CD1B: variants seen among roughly 807,000 people sequenced by gnomAD.
The protein encoded by CD1B is T-cell surface glycoprotein CD1b.
CD1B carries 43 observed loss-of-function variants against 39.8 expected under a neutral mutation model. The ratio of observed to expected loss-of-function variants is 1.08; its 90% CI spans 0.85 to 1.39. CD1B has a LOEUF of 1.39. Ranked by LOEUF, CD1B falls within the 40% of genes most tolerant of loss-of-function variation. CD1B has a pLI of 0.00. For synonymous variants in CD1B, 192 were observed against 152.5 expected (o/e 1.26, Z -1.91); for missense variants, 495 against 403.8 (o/e 1.23, Z -1.94).
the CD1B span, among the ~76,000 whole-genome samples, chr1:158,320,434 G>A: frequency 7.2e-5 from 11 of 152,078 alleles, no homozygotes; most frequent in East Asian, 1.9e-4. Context: ...GGTGCCGTCC[G>A]TCACCCCTTT....
chr1:158,293,244 G>A, the CD1B span: 1 of 1,614,100 alleles, frequency 6.2e-7, no homozygotes. Context: ...GATTGCCTTG[G>A]TAGTGATAGT....
At chr1:158,302,342 A>G in the CD1B span, among the ~76,000 whole-genome samples, 4,333 of 152,242 alleles carry the variant, frequency 0.028, 209 homozygotes, top group African/African-American at 0.098. Context: ...AAAGTTAGAA[A>G]GATCTCAAAT....
chr1:158,325,664 C>T (rs1010598329), downstream of CD1B, among the ~76,000 whole-genome samples: 10 of 150,808 alleles, frequency 6.6e-5, no homozygotes, highest in East Asian at 3.9e-4. Flanking sequence ...CACACACACA[C>T]GCACACACAC....
the CD1B span, among the ~76,000 whole-genome samples, chr1:158,309,921 T>G: frequency 2.3e-4 from 35 of 151,944 alleles, 1 homozygote; most frequent in Admixed American, 2.3e-3. Flanking sequence ...ACATGGCACA[T>G]GTATACATAT....
At chr1:158,310,867 A>G in the CD1B span, among the ~76,000 whole-genome samples, 1 of 152,180 alleles carries the variant, frequency 6.6e-6, no homozygotes, top group African/African-American at 2.4e-5. Context: ...TGCTGGTGGG[A>G]ATGTAAATTA....
At chr1:158,298,045 C>CA in the CD1B span, among the ~76,000 whole-genome samples, 2 of 151,378 alleles carry the variant, frequency 1.3e-5, no homozygotes, top group African/African-American at 4.9e-5. Flanking sequence ...TAAAGGATGG[C>CA]AAAAAATCTG....
chr1:158,293,716 G>T, the CD1B span: 15 of 901,016 alleles, frequency 1.7e-5, no homozygotes, highest in African/African-American at 3.3e-5. Flanking sequence ...GATCTTCCTT[G>T]ACCCATACTG....
the CD1B span, among the ~76,000 whole-genome samples, chr1:158,305,688 G>C: frequency 7.9e-5 from 12 of 152,040 alleles, no homozygotes; most frequent in East Asian, 5.8e-4. Flanking sequence ...AGAGAAAGGT[G>C]GGGTTACCCA....
downstream of CD1B, among the ~76,000 whole-genome samples, chr1:158,327,203 C>T (rs1398233995): frequency 2.0e-5 from 3 of 152,128 alleles, no homozygotes; most frequent in Non-Finnish European, 4.4e-5. Context: ...AAACCTCTTG[C>T]TAGCTACAGA....
At chr1:158,323,417 A>G (rs1227281287), downstream of CD1B, among the ~76,000 whole-genome samples, 1 of 152,130 alleles carries the variant, frequency 6.6e-6, no homozygotes, top group South Asian at 2.1e-4. Flanking sequence ...ACTGAAATTC[A>G]CTAAGCTTCC....
downstream of CD1B, among the ~76,000 whole-genome samples, chr1:158,326,479 G>A (rs925154510): frequency 6.6e-6 from 1 of 152,054 alleles, no homozygotes; most frequent in African/African-American, 2.4e-5. Flanking sequence ...TTTAATGCAT[G>A]AATCTTATTT....
the CD1B span, among the ~76,000 whole-genome samples, chr1:158,318,139 GT>G: frequency 6.6e-6 from 1 of 152,170 alleles, no homozygotes; most frequent in Non-Finnish European, 1.5e-5. Context: ...TGTATATTCT[GT>G]TGATTTGGGG....
At chr1:158,328,774 C>A in intron 5 of CD1B, 147 bp downstream of exon 5, 1 of 598,710 alleles carries the variant, frequency 1.7e-6, no homozygotes, top group South Asian at 2.5e-5. Context: ...TTTTTAAGTC[C>A]ACATAAAACG....
chr1:158,317,253 G>T, the CD1B span, among the ~76,000 whole-genome samples: 1 of 151,954 alleles, frequency 6.6e-6, no homozygotes, highest in Non-Finnish European at 1.5e-5. Flanking sequence ...GTTCCTCCTT[G>T]TACCTCTGGT....
At chr1:158,297,149 A>G in the CD1B span, among the ~76,000 whole-genome samples, 2 of 152,216 alleles carry the variant, frequency 1.3e-5, no homozygotes, top group African/African-American at 2.4e-5. Flanking sequence ...ATACACAATA[A>G]TAAGATTATC....
the CD1B span, among the ~76,000 whole-genome samples, chr1:158,317,904 C>G: frequency 6.6e-6 from 1 of 152,230 alleles, no homozygotes; most frequent in African/African-American, 2.4e-5. Context: ...TTATTTCTGC[C>G]TTCATTTCAT....
chr1:158,299,914 T>C, the CD1B span, among the ~76,000 whole-genome samples: 1 of 152,214 alleles, frequency 6.6e-6, no homozygotes, highest in Non-Finnish European at 1.5e-5. Context: ...TCTATCAATT[T>C]TGCTGATCTT....
the CD1B span, among the ~76,000 whole-genome samples, chr1:158,314,827 C>T: frequency 7.4e-6 from 1 of 134,624 alleles, no homozygotes; most frequent in Non-Finnish European, 1.6e-5. Context: ...CCACAACAGT[C>T]CCCAGAGTGT....
chr1:158,299,076 C>A, the CD1B span, among the ~76,000 whole-genome samples: 2 of 152,160 alleles, frequency 1.3e-5, no homozygotes, highest in Admixed American at 1.3e-4. Context: ...TGAGAGAGGG[C>A]ATCCTTGTCT....
Sources: allele counts gnomAD v4.1 joint callset (sites outside exome capture counted in the v4.1 genomes callset), GRCh38; gene constraint gnomAD v4.1.1; transcripts MANE v1.5; gene names NCBI Gene and HGNC (gene_info 2026-07-23, HGNC 2026-07-21).